CLGN: variants seen among roughly 807,000 people sequenced by gnomAD.
CLGN encodes testis tissue sperm-binding protein Li 79P.
In CLGN, 62 loss-of-function variants were observed where a neutral mutation model predicts 79.1. The observed-to-expected ratio is 0.78, with a 90% CI of 0.64 to 0.97. The LOEUF (loss-of-function observed/expected upper bound fraction) is 0.97. Ranked by LOEUF, CLGN falls within the 50% of genes least tolerant of loss-of-function variation. The probability of loss-of-function intolerance (pLI) is 0.00; values close to 1 mark genes in which losing one functional copy is unlikely to be tolerated. For missense variants in CLGN, 647 were observed against 715.5 expected, an observed-to-expected ratio of 0.90 and a Z score of 1.09; for synonymous variants, 225 against 224.7, an observed-to-expected ratio of 1.00 and a Z score of -0.01.
At position 140,389,308 on chromosome 4, in the gene CLGN, G is replaced by C. The variant is rs764517067; in HGVS notation, c.1753-4C>G. ...TGCTCTCATCTGCTTCTTTCATCTA[G>C]AAAAAATAATTATGAAAAGGTTTCT... On this transcript the variant is annotated splice_polypyrimidine_tract_variant and splice_region_variant and intron_variant, in intron 14 of 14. Transcript: ENST00000325617. 1 of 1,609,254 alleles carries C rather than the reference G, an allele frequency of 6.2e-7. No homozygotes were observed. The highest frequency in any genetic ancestry group is 8.5e-7 in the Non-Finnish European group (1 of 1,176,882).
At chr4:140,389,367 A>T (rs567499015) in intron 14 of CLGN, 63 bp from the exon 15 acceptor site, 3 of 1,138,676 alleles carry the variant, frequency 2.6e-6, no homozygotes, top group Non-Finnish European at 3.9e-6. Flanking sequence ...GATAGTAGTA[A>T]ACAATATATT....
intron 5 of CLGN, among the ~76,000 whole-genome samples, chr4:140,404,896 T>C (rs965393168): frequency 6.6e-6 from 1 of 152,026 alleles, no homozygotes; most frequent in African/African-American, 2.4e-5. Flanking sequence ...GTTCAAGCTG[T>C]CTGCCCACCT....
intron 4 of CLGN, among the ~76,000 whole-genome samples, chr4:140,407,586 CAAAA>C (rs33994946): frequency 1.6e-5 from 2 of 127,794 alleles, no homozygotes; most frequent in African/African-American, 2.9e-5. Context: ...ACAATGGCTG[CAAAA>C]AAAAAAAAAA....
chr4:140,415,426 A>T (rs1729309237), intron 1 of CLGN, among the ~76,000 whole-genome samples: 1 of 151,796 alleles, frequency 6.6e-6, no homozygotes, highest in Admixed American at 6.6e-5. Flanking sequence ...AAGAGTCAAG[A>T]CCCATCAGTG....
At position 140,409,453 on chromosome 4, in the gene CLGN, C is replaced by T. The variant is rs1578602269; in HGVS notation, c.277+384G>A. Among the ~76,000 whole-genome samples, 6 of 152,070 alleles carry T rather than the reference C, an allele frequency of 3.9e-5. No homozygotes were observed. The South Asian group carries it at 1.2e-3, about 32-fold the overall frequency. On this transcript the variant is annotated intron_variant, in intron 4 of 14. Transcript: ENST00000325617. ...TGTAGCTCTCATTAGCTATCTTCTG[C>T]TTTTTACTTGCTAGGAGAATCTTAC...
chr4:140,397,730 C>A (rs1213061742), intron 8 of CLGN, among the ~76,000 whole-genome samples: 3 of 151,872 alleles, frequency 2.0e-5, no homozygotes, highest in Non-Finnish European at 2.9e-5. Context: ...ATGGTGAAAT[C>A]CCATCTCTAC....
At chr4:140,398,777 G>A in intron 8 of CLGN, 74 bp downstream of exon 8, 1 of 1,296,978 alleles carries the variant, frequency 7.7e-7, no homozygotes, top group Non-Finnish European at 1.1e-6. Flanking sequence ...TTCATGGGTT[G>A]TAAACTTCAC....
intron 5 of CLGN, among the ~76,000 whole-genome samples, chr4:140,405,173 A>ATTTTTTT (rs1491076379): frequency 7.2e-4 from 18 of 24,984 alleles, no homozygotes; most frequent in African/African-American, 1.0e-3. Context: ...AATTTTTTTT[A>ATTTTTTT]TTTTTATTTT....
Position 140,392,175 on chromosome 4 carries a change from GC to G in CLGN, c.1651+43del, listed in dbSNP as rs1560737862. ...TTCAAGGCCATATACAGTTTTATGA[GC>G]TTTACCCAGAGTCTCCATTATAAAT... On this transcript the variant is annotated intron_variant, in intron 13 of 14. Transcript: ENST00000325617. 2.5e-6 allele frequency: 4 copies of G among 1,597,512 alleles called. No homozygotes were observed. The Admixed American group carries it at 6.9e-5, about 28-fold the overall frequency.
Position 140,406,082 on chromosome 4 carries a change from T to C in CLGN, c.279A>G (p.Gly93=). 6.2e-7 allele frequency: 1 copy of C among 1,610,736 alleles called. No individual in the cohort carries two copies. The highest frequency in any genetic ancestry group is 1.1e-5 in the South Asian group (1 of 89,942). Residue 93 remains glycine (G), a splice_region_variant and synonymous_variant, in exon 5 of 15, where the codon GGA becomes GGG. Transcript: ENST00000325617. ...CTTTCAACTCTTCAATTTCCCATCT[T>C]CCTAAAAAATAAAGCAAAGCAAATT... The part of the protein sequence containing the change: ...DMDEEISIYD[G]RWEIEELKEN...
At chr4:140,413,428 A>C (rs1263999882) in intron 1 of CLGN, among the ~76,000 whole-genome samples, 1 of 152,160 alleles carries the variant, frequency 6.6e-6, no homozygotes, top group African/African-American at 2.4e-5. Context: ...TGATTTCTGC[A>C]TTTCCATCTG....
At chr4:140,393,273 T>C (rs1728809607) in intron 11 of CLGN, among the ~76,000 whole-genome samples, 1 of 152,110 alleles carries the variant, frequency 6.6e-6, no homozygotes, top group African/African-American at 2.4e-5. Context: ...TTTTCGCTAG[T>C]GACCCAAGGA....
chr4:140,403,112 A>T (rs1729028721), intron 5 of CLGN, among the ~76,000 whole-genome samples: 1 of 152,176 alleles, frequency 6.6e-6, no homozygotes, highest in African/African-American at 2.4e-5. Flanking sequence ...ATTTTCTCCT[A>T]TACTTTTTAC....
intron 12 of CLGN, 54 bp from the exon 13 acceptor site, chr4:140,392,432 GTT>G (rs1208563376): frequency 1.2e-5 from 19 of 1,530,118 alleles, no homozygotes; most frequent in Non-Finnish European, 1.7e-5. Context: ...TATTTTGAAA[GTT>G]TTTTTGCAAT....
intron 12 of CLGN, 72 bp downstream of exon 12, chr4:140,392,514 G>A (rs190282969): frequency 4.9e-4 from 734 of 1,501,028 alleles, no homozygotes; most frequent in South Asian, 6.7e-4. Flanking sequence ...TTTAAGAATC[G>A]CTTAATTTAT....
At chr4:140,410,903 T>A (rs760405520) in intron 2 of CLGN, among the ~76,000 whole-genome samples, 1 of 152,012 alleles carries the variant, frequency 6.6e-6, no homozygotes, top group Non-Finnish European at 1.5e-5. Context: ...CAAGTGACAA[T>A]ATTTATGGAT....
chr4:140,401,969 T>C lies in CLGN; in HGVS notation c.501+16A>G. 3.6e-6 allele frequency: 5 copies of C among 1,376,652 alleles called. No individual in the cohort carries two copies. The highest frequency in any genetic ancestry group is 5.0e-6 in the Non-Finnish European group (5 of 992,788). 85.3% of individuals were successfully genotyped at this position (1,376,652 alleles called of 1,614,324 possible). A position where few individuals can be genotyped will look rare whatever the true frequency, so the allele number is the denominator to read the frequency against. ...TTAACTTTAATAAGGTTTTCTTAAA[T>C]ATTAAAATATCATACCAGAATCAAA... On this transcript the variant is annotated intron_variant, in intron 6 of 14. Transcript: ENST00000325617.
At chr4:140,396,892 T>TATATATATATAC (rs1728894818) in intron 8 of CLGN, among the ~76,000 whole-genome samples, 4 of 25,626 alleles carry the variant, frequency 1.6e-4, no homozygotes, top group South Asian at 3.5e-3. Context: ...TATATATATG[T>TATATATATATAC]ATATATATAT....
chr4:140,394,020 T>C lies in CLGN; in HGVS notation c.1171A>G (p.Ile391Val), dbSNP rs138845069. 7.6e-5 allele frequency: 123 copies of C among 1,612,814 alleles called. No individual in the cohort carries two copies. In the African/African-American group the frequency reaches 1.5e-3, roughly 20 times the overall value. Residue 391 changes from isoleucine to valine, a missense_variant, in exon 11 of 15, where the codon ATT (isoleucine) becomes GTT (valine). By Grantham distance (29) the Ile-to-Val change is conservative. Coordinates refer to ENST00000325617, the MANE Select transcript of CLGN (RefSeq NM_004362.3). ...NYQGIWSPRK[I>V]PNPDYFEDDH... ...TCTTCGAAATAATCTGGATTAGGAA[T>C]TTTTCGAGGACTCCAGATTCCCTGG...
Sources: gnomAD v4.1 joint callset for allele counts (sites outside exome capture counted in the v4.1 genomes callset) on GRCh38, gnomAD v4.1.1 for gene constraint, MANE v1.5 for transcripts, NCBI Gene and HGNC (gene_info 2026-07-23, HGNC 2026-07-21) for gene names.